The following SPOCK3 variants were observed in gnomAD, a reference collection of about 807,000 sequenced individuals.
SPOCK3 encodes the protein testican-3.
SPOCK3 carries 30 observed loss-of-function variants against 56.6 expected under a neutral mutation model. The ratio of observed to expected loss-of-function variants is 0.53; its 90% CI spans 0.40 to 0.72. SPOCK3 has a LOEUF of 0.72. Among genes scored for constraint, SPOCK3 ranks in the 30% least tolerant of loss-of-function variants. The pLI, the probability that SPOCK3 is intolerant of heterozygous loss-of-function variation, is 0.00. For missense variants in SPOCK3, 527 were observed against 530.0 expected, an observed-to-expected ratio of 0.99 and a Z score of 0.06; for synonymous variants, 196 against 183.3, an observed-to-expected ratio of 1.07 and a Z score of -0.56.
At chr4:167,171,000 G>T (rs1730452481) in intron 2 of SPOCK3, among the ~76,000 whole-genome samples, 1 of 152,084 alleles carries the variant, frequency 6.6e-6, no homozygotes, top group Admixed American at 6.6e-5. Context: ...ACAATGGGGA[G>T]AAATTTGCAA....
intron 5 of SPOCK3, among the ~76,000 whole-genome samples, chr4:166,909,631 C>T (rs1444971853): frequency 6.6e-6 from 1 of 152,084 alleles, no homozygotes; most frequent in African/African-American, 2.4e-5. Context: ...GCCCCACATC[C>T]AAGACTCATC....
At chr4:167,064,714 T>A (rs1454161812) in intron 2 of SPOCK3, among the ~76,000 whole-genome samples, 1 of 151,718 alleles carries the variant, frequency 6.6e-6, no homozygotes, top group African/African-American at 2.4e-5. Context: ...TACCACTTAT[T>A]AGCTGCATCA....
chr4:167,206,203 A>C (rs1734315450), intron 2 of SPOCK3, among the ~76,000 whole-genome samples: 1 of 152,064 alleles, frequency 6.6e-6, no homozygotes, highest in South Asian at 2.1e-4. Flanking sequence ...ATGCACCTGT[A>C]ATCCCAGCTA....
chr4:167,113,839 G>C (rs79288442), intron 2 of SPOCK3, among the ~76,000 whole-genome samples: 2,642 of 152,172 alleles, frequency 0.017, 29 homozygotes, highest in Non-Finnish European at 0.026. Context: ...GAATGTCTCA[G>C]CCTCTCTCAG....
In SPOCK3 at chr4:166,948,132, T is replaced by C. The variant is rs561096559; in HGVS notation, c.351-35389A>G. On this transcript the variant is annotated intron_variant, in intron 4 of 10. Transcript: ENST00000357545. Reference sequence around the variant, plus strand: ...CATGTGCTATTTGTCTTTCTGTGCCTGGCTTATTTCACTTAACATAATGTC... The same window carrying C: ...CATGTGCTATTTGTCTTTCTGTGCCCGGCTTATTTCACTTAACATAATGTC... Among the ~76,000 whole-genome samples, 35 of 152,308 alleles carry C rather than the reference T, an allele frequency of 2.3e-4. No homozygotes were observed. The East Asian group carries it at 6.6e-3, about 29-fold the overall frequency.
At chr4:166,964,086 T>A (rs952829235) in intron 4 of SPOCK3, among the ~76,000 whole-genome samples, 1 of 151,698 alleles carries the variant, frequency 6.6e-6, no homozygotes, top group Non-Finnish European at 1.5e-5. Context: ...AGAGCAAACC[T>A]ACTGCCTTGT....
At chr4:166,977,622 A>G (rs1296628041) in intron 4 of SPOCK3, among the ~76,000 whole-genome samples, 3 of 152,122 alleles carry the variant, frequency 2.0e-5, no homozygotes, top group Admixed American at 1.3e-4. Flanking sequence ...TTGTGTTTTC[A>G]TTTGCAGAAT....
chr4:166,802,628 AC>A (rs1444508713), intron 6 of SPOCK3, among the ~76,000 whole-genome samples: 2 of 151,978 alleles, frequency 1.3e-5, no homozygotes, highest in African/African-American at 2.4e-5. Context: ...CACAGGTCCC[AC>A]CTCCTGGTAC....
intron 6 of SPOCK3, among the ~76,000 whole-genome samples, chr4:166,799,201 G>T (rs745603436): frequency 6.6e-6 from 1 of 152,126 alleles, no homozygotes; most frequent in Non-Finnish European, 1.5e-5. Context: ...CTTCCAAGAT[G>T]CCCGTCTGAT....
chr4:167,031,697 T>C (rs1752289980), intron 3 of SPOCK3, among the ~76,000 whole-genome samples: 1 of 151,964 alleles, frequency 6.6e-6, no homozygotes, highest in African/African-American at 2.4e-5. Flanking sequence ...GAGAAAATAA[T>C]TAAAAATAGG....
At chr4:167,072,918 C>T (rs895795753) in intron 2 of SPOCK3, among the ~76,000 whole-genome samples, 2 of 151,702 alleles carry the variant, frequency 1.3e-5, no homozygotes, top group African/African-American at 4.8e-5. Flanking sequence ...AGGTCAAGTG[C>T]CTCTAAGTAC....
chr4:167,109,548 A>G (rs1358750615), intron 2 of SPOCK3, among the ~76,000 whole-genome samples: 4 of 132,040 alleles, frequency 3.0e-5, no homozygotes, highest in Non-Finnish European at 4.7e-5. Context: ...ATAACTATAT[A>G]TGTATATAAA....
chr4:166,905,197 T>C (rs1180264170), intron 5 of SPOCK3, among the ~76,000 whole-genome samples: 3 of 152,042 alleles, frequency 2.0e-5, no homozygotes, highest in Non-Finnish European at 2.9e-5. Context: ...AGAACTTCTA[T>C]TACCACAACT....
At chr4:166,946,637 C>T (rs1741785772) in intron 4 of SPOCK3, among the ~76,000 whole-genome samples, 1 of 152,190 alleles carries the variant, frequency 6.6e-6, no homozygotes, top group African/African-American at 2.4e-5. Flanking sequence ...GCATTCTGGC[C>T]CTGCCCTGTC....
At chr4:167,143,311 T>C (rs972862372) in intron 2 of SPOCK3, among the ~76,000 whole-genome samples, 1 of 151,892 alleles carries the variant, frequency 6.6e-6, no homozygotes, top group Non-Finnish European at 1.5e-5. Flanking sequence ...ACTTGTAAAG[T>C]GGAAAGATTT....
At position 167,212,430 on chromosome 4, in the gene SPOCK3, C is replaced by G. The variant is rs563214877; in HGVS notation, c.189+21555G>C. On this transcript the variant is annotated intron_variant, in intron 2 of 10. Coordinates refer to ENST00000357545, the MANE Select transcript of SPOCK3 (RefSeq NM_001040159.2). ...CTACTTTTTGTATTTTTTGTAGAGC[C>G]GGGGTTTCATCATGTTGGCCAGGAC... Among the ~76,000 whole-genome samples the G allele has an allele frequency of 4.0e-5, 6 of 151,832 alleles. No individual in the cohort carries two copies. In the East Asian group the frequency reaches 1.2e-3, roughly 30 times the overall value.
intron 4 of SPOCK3, among the ~76,000 whole-genome samples, chr4:166,943,836 A>G (rs1339476756): frequency 6.6e-6 from 1 of 152,158 alleles, no homozygotes; most frequent in Non-Finnish European, 1.5e-5. Flanking sequence ...TGATAAATAT[A>G]TGAAATTTTA....
chr4:167,126,562 A>G (rs1762303332), intron 2 of SPOCK3, among the ~76,000 whole-genome samples: 1 of 151,976 alleles, frequency 6.6e-6, no homozygotes, highest in Non-Finnish European at 1.5e-5. Context: ...AAACAAACAA[A>G]AAAAGTTCAT....
intron 2 of SPOCK3, among the ~76,000 whole-genome samples, chr4:167,191,190 G>A (rs1184920911): frequency 6.9e-6 from 1 of 145,308 alleles, no homozygotes; most frequent in Middle Eastern, 3.2e-3. Flanking sequence ...AATTTTACAA[G>A]GATTGCATTA....
Sources: allele counts gnomAD v4.1 joint callset (sites outside exome capture counted in the v4.1 genomes callset), GRCh38; gene constraint gnomAD v4.1.1; transcripts MANE v1.5; gene names NCBI Gene and HGNC (gene_info 2026-07-23, HGNC 2026-07-21).